The following KLF12 variants were observed in gnomAD, a reference collection of about 807,000 sequenced individuals.
KLF12 encodes the protein Krueppel-like factor 12.
A neutral mutation model predicts 37.8 loss-of-function variants in KLF12; 9 were observed. The observed-to-expected ratio is 0.24, with a 90% confidence interval of 0.14 to 0.42. KLF12 has a LOEUF of 0.42. KLF12 is among the 10% of genes least tolerant of loss of function. The probability of loss-of-function intolerance (pLI) is 1.00; values close to 1 mark genes in which losing one functional copy is unlikely to be tolerated. For missense variants in KLF12, 411 were observed against 516.0 expected, an observed-to-expected ratio of 0.80 and a Z score of 1.97; for synonymous variants, 208 against 202.1, an observed-to-expected ratio of 1.03 and a Z score of -0.25.
chr13:74,123,495 A>T (rs902345306), intron 1 of KLF12, among the ~76,000 whole-genome samples: 9 of 152,224 alleles, frequency 5.9e-5, no homozygotes, highest in African/African-American at 1.7e-4. Context: ...GACAAAGCCC[A>T]TGTTTTATCT....
chr13:73,842,528 C>T (rs1209704283), intron 4 of KLF12, among the ~76,000 whole-genome samples: 4 of 152,176 alleles, frequency 2.6e-5, no homozygotes, highest in Non-Finnish European at 4.4e-5. Flanking sequence ...ACAAATGGTT[C>T]AACTGACAGG....
At chr13:73,991,673 C>T (rs1210217779) in intron 2 of KLF12, among the ~76,000 whole-genome samples, 1 of 152,222 alleles carries the variant, frequency 6.6e-6, no homozygotes, top group African/African-American at 2.4e-5. Context: ...AGAGCTAAGG[C>T]CTGCCTCTTT....
intron 6 of KLF12, 51 bp from the exon 7 acceptor site, chr13:73,715,576 T>C: frequency 6.3e-7 from 1 of 1,581,732 alleles, no homozygotes; most frequent in Non-Finnish European, 8.6e-7. Context: ...CCGCCCCATT[T>C]TGGTTCTGGT....
At chr13:73,905,458 C>A (rs73523233) in intron 3 of KLF12, among the ~76,000 whole-genome samples, 6,227 of 151,864 alleles carry the variant, frequency 0.041, 376 homozygotes, top group African/African-American at 0.11. Flanking sequence ...TCAGAGTGAA[C>A]CCAACATATC....
the KLF12 span, among the ~76,000 whole-genome samples, chr13:74,270,892 C>T: frequency 6.6e-6 from 1 of 152,248 alleles, no homozygotes; most frequent in Non-Finnish European, 1.5e-5. Context: ...CTGTGAGCCA[C>T]TTGATATTCC....
intron 3 of KLF12, among the ~76,000 whole-genome samples, chr13:73,898,385 T>C (rs1216413076): frequency 2.6e-5 from 4 of 152,200 alleles, no homozygotes; most frequent in African/African-American, 7.2e-5. Context: ...TTGTAGAATG[T>C]TTCCTATTAA....
upstream of KLF12, among the ~76,000 whole-genome samples, chr13:74,136,535 G>A (rs1399890301): frequency 6.6e-6 from 1 of 152,196 alleles, no homozygotes; most frequent in African/African-American, 2.4e-5. Flanking sequence ...TGTCATCGTG[G>A]CAGTTCTTGT....
At chr13:73,779,699 G>T (rs1227766259) in intron 5 of KLF12, among the ~76,000 whole-genome samples, 1 of 152,242 alleles carries the variant, frequency 6.6e-6, no homozygotes, top group East Asian at 1.9e-4. Context: ...GTAGCTTGGG[G>T]ATCCCATTTG....
rs115560071 is a variant in KLF12 at position 73,898,498 on chromosome 13, T to G, written c.123+45483A>C. On this transcript the variant is annotated intron_variant, in intron 3 of 7. Coordinates refer to ENST00000377669, the MANE Select transcript of KLF12 (RefSeq NM_007249.5). ...ACAATTCCCTCAGGGCTTTTTAAGA[T>G]GTGGCTAAAAAAGCTCTCCTACTTA... Among the ~76,000 whole-genome samples, 250 of 152,284 alleles carry G rather than the reference T, an allele frequency of 1.6e-3. 1 individual carries two copies. The highest frequency in any genetic ancestry group is 5.9e-3 in the African/African-American group (247 of 41,548).
the KLF12 span, among the ~76,000 whole-genome samples, chr13:74,289,573 T>G: frequency 1.3e-5 from 2 of 152,260 alleles, no homozygotes; most frequent in African/African-American, 4.8e-5. Context: ...TTCCATCATT[T>G]TATTTGTCTT....
the KLF12 span, among the ~76,000 whole-genome samples, chr13:74,150,891 A>G: frequency 6.6e-6 from 1 of 152,206 alleles, no homozygotes; most frequent in Non-Finnish European, 1.5e-5. Flanking sequence ...CAGTACCCAG[A>G]ACTAACTTTG....
the KLF12 span, among the ~76,000 whole-genome samples, chr13:74,171,704 G>A: frequency 6.6e-6 from 1 of 152,190 alleles, no homozygotes. Flanking sequence ...AAAGAAAATT[G>A]TCTCCAGTAA....
At chr13:73,751,966 C>A (rs902426179) in intron 6 of KLF12, among the ~76,000 whole-genome samples, 5 of 152,024 alleles carry the variant, frequency 3.3e-5, no homozygotes, top group Non-Finnish European at 1.5e-5. Flanking sequence ...ATTCATACAG[C>A]TTCTGTCCAG....
At chr13:74,068,753 C>T (rs2138689530) in intron 1 of KLF12, among the ~76,000 whole-genome samples, 1 of 152,158 alleles carries the variant, frequency 6.6e-6, no homozygotes, top group East Asian at 1.9e-4. Context: ...GACTGGGTTT[C>T]ACCATGTTGG....
intron 2 of KLF12, among the ~76,000 whole-genome samples, chr13:73,985,585 G>A (rs1180450440): frequency 1.3e-5 from 2 of 152,074 alleles, no homozygotes; most frequent in African/African-American, 4.8e-5. Context: ...TACAGTCCTG[G>A]CTCTAACGAC....
Position 73,715,351 on chromosome 13 carries a change from G to A in KLF12, c.1027+17C>T, listed in dbSNP as rs372879975. On this transcript the variant is annotated intron_variant, in intron 7 of 7. Coordinates refer to ENST00000377669, the MANE Select transcript of KLF12 (RefSeq NM_007249.5). ...ACTCTCACTGGCTCACAGGTGAGAA[G>A]CCCTGCAGAGCGGTACCTGTATGTG... 3 of 1,606,722 alleles carry A rather than the reference G, an allele frequency of 1.9e-6. No homozygotes were observed. Among genetic ancestry groups the A allele is most frequent in the Non-Finnish European group, 2.5e-6 (3 of 1,176,908 alleles).
At chr13:73,704,428 T>C (rs1262880855) in intron 7 of KLF12, among the ~76,000 whole-genome samples, 2 of 152,206 alleles carry the variant, frequency 1.3e-5, no homozygotes, top group South Asian at 2.1e-4. Context: ...GAGAGATTTC[T>C]TGGACTCTTC....
the KLF12 span, among the ~76,000 whole-genome samples, chr13:74,214,364 T>A: frequency 6.6e-6 from 1 of 152,048 alleles, no homozygotes; most frequent in Non-Finnish European, 1.5e-5. Context: ...TCTCCTCTCC[T>A]CTGTTCTGGC....
At chr13:74,040,801 C>T (rs1893381159) in intron 1 of KLF12, among the ~76,000 whole-genome samples, 1 of 152,224 alleles carries the variant, frequency 6.6e-6, no homozygotes, top group Admixed American at 6.5e-5. Flanking sequence ...CACAATAATC[C>T]TTGCCTCTGC....
Sources: gnomAD v4.1 joint callset for allele counts (sites outside exome capture counted in the v4.1 genomes callset) on GRCh38, gnomAD v4.1.1 for gene constraint, MANE v1.5 for transcripts, NCBI Gene and HGNC (gene_info 2026-07-23, HGNC 2026-07-21) for gene names.